ATP1B3: variants seen among roughly 807,000 people sequenced by gnomAD.
The protein encoded by ATP1B3 is sodium/potassium-transporting ATPase subunit beta-3.
ATP1B3 carries 10 observed loss-of-function variants against 30.2 expected under a neutral mutation model. The observed-to-expected ratio is 0.33, with a 90% CI of 0.20 to 0.56. The LOEUF (loss-of-function observed/expected upper bound fraction) is 0.56. Among genes scored for constraint, ATP1B3 ranks in the 20% least tolerant of loss-of-function variants. The pLI is 0.90. For missense variants in ATP1B3, 238 were observed against 336.7 expected (o/e 0.71, Z 2.29); for synonymous variants, 113 against 117.0 (o/e 0.97, Z 0.22).
intron 5 of ATP1B3, chr3:141,918,278 A>G (rs1934504639): frequency 6.6e-6 from 1 of 152,180 alleles, no homozygotes; most frequent in Non-Finnish European, 1.5e-5. Flanking sequence ...ATTTCATGAC[A>G]GTGCGCCTGT....
intron 3 of ATP1B3, among the ~76,000 whole-genome samples, chr3:141,911,004 T>C (rs1934349830): frequency 6.6e-6 from 1 of 152,110 alleles, no homozygotes; most frequent in Admixed American, 6.5e-5. Flanking sequence ...TTTTCATTTT[T>C]TTTTTCAATT....
Position 141,925,887 on chromosome 3 carries a change from C to G in ATP1B3, c.*186C>G. 2 of 671,398 alleles carry G rather than the reference C, an allele frequency of 3.0e-6. No homozygotes were observed. Among genetic ancestry groups the G allele is most frequent in the Non-Finnish European group, 4.8e-6 (2 of 420,138 alleles). The allele number at this position is 671,398 out of a possible 1,614,324, so 41.6% of individuals were successfully genotyped here. Reference sequence around the variant, plus strand: ...TGTCCTCTGAAGTAACTGCCTGTTGCCTCTGCTGCCCTTTGAACCAGTGTA... The same window carrying G: ...TGTCCTCTGAAGTAACTGCCTGTTGGCTCTGCTGCCCTTTGAACCAGTGTA... On this transcript the variant is annotated 3_prime_UTR_variant, in exon 7 of 7. Transcript: ENST00000286371.
intron 3 of ATP1B3, among the ~76,000 whole-genome samples, chr3:141,913,188 C>G (rs1168147525): frequency 6.6e-6 from 1 of 151,802 alleles, no homozygotes; most frequent in African/African-American, 2.4e-5. Flanking sequence ...CTTCTGCATT[C>G]AGCTCAGTTG....
At chr3:141,912,503 C>T (rs953744999) in intron 3 of ATP1B3, among the ~76,000 whole-genome samples, 2 of 151,972 alleles carry the variant, frequency 1.3e-5, no homozygotes, top group Non-Finnish European at 2.9e-5. Context: ...TCTCGTGATC[C>T]ACCCGCCTCG....
intron 1 of ATP1B3, among the ~76,000 whole-genome samples, chr3:141,883,269 C>G (rs1303195022): frequency 6.6e-6 from 1 of 152,182 alleles, no homozygotes; most frequent in African/African-American, 2.4e-5. Flanking sequence ...GGGCGGATCA[C>G]TTGTGGCCAG....
Position 141,907,195 on chromosome 3 carries a change from C to T in ATP1B3, c.267C>T (p.Thr89=), listed in dbSNP as rs72988221. 1,079 of 1,609,722 alleles carry T rather than the reference C, an allele frequency of 6.7e-4. 6 individuals are homozygous for T. In the African/African-American group the frequency reaches 0.012, roughly 18 times the overall value. Residue 89 remains threonine, a synonymous_variant, in exon 3 of 7, where the codon ACC becomes ACT. Transcript: ENST00000286371. The part of the protein sequence containing the change: ...PGLMVFPKPV[T]ALEYTFSRSD... ...TCATGGTTTTTCCAAAACCAGTGAC[C>T]GCATTGGAATATACATTCAGTAGGT... is the stretch of plus-strand genomic sequence containing the variant.
chr3:141,913,549 C>T, intron 3 of ATP1B3, 103 bp from the exon 4 acceptor site: 3 of 963,782 alleles, frequency 3.1e-6, no homozygotes, highest in Non-Finnish European at 4.5e-6. Flanking sequence ...ATTTACATTG[C>T]TGTTTTTGTC....
At chr3:141,917,142 C>T (rs116612493) in intron 5 of ATP1B3, among the ~76,000 whole-genome samples, 2,784 of 151,754 alleles carry the variant, frequency 0.018, 79 homozygotes, top group African/African-American at 0.064. Context: ...CATGAGTCAC[C>T]GCGCCTGGCC....
chr3:141,919,234 G>A (rs1934522682), intron 5 of ATP1B3, among the ~76,000 whole-genome samples: 1 of 149,934 alleles, frequency 6.7e-6, no homozygotes. Flanking sequence ...ATACAAGTTA[G>A]AGTCCTGAAA....
At chr3:141,920,885 G>A (rs1934552695) in intron 5 of ATP1B3, among the ~76,000 whole-genome samples, 1 of 152,020 alleles carries the variant, frequency 6.6e-6, no homozygotes, top group Non-Finnish European at 1.5e-5. Context: ...TGGTGGGTGG[G>A]GCGCATCATC....
rs114628149 is a variant in ATP1B3, at chr3:141,892,846, G to A, written c.110-10774G>A. Among the ~76,000 whole-genome samples the A allele has an allele frequency of 3.7e-3, 561 of 152,154 alleles. 5 individuals carry two copies. The highest frequency in any genetic ancestry group is 0.013 in the African/African-American group (530 of 41,492). On this transcript the variant is annotated intron_variant, in intron 1 of 6. Coordinates refer to ENST00000286371, the MANE Select transcript of ATP1B3 (RefSeq NM_001679.4). The stretch of plus-strand genomic sequence containing the variant: ...TCTTTAATGGAGCGGTAGCTTCACA[G>A]ATTATACAACGGTCAAAACTAACTG...
rs937461669 is a variant in ATP1B3, at chr3:141,900,713, C to T, written c.110-2907C>T. 7.9e-5 allele frequency among the ~76,000 whole-genome samples: 12 copies of T among 152,232 alleles called. No individual in the cohort carries two copies. The South Asian group carries it at 2.3e-3, about 29-fold the overall frequency. Reference sequence around the variant, plus strand: ...TGAGGCAGAAGAGCTGGACAGGGCCCGTTTCTCCTTCCCCTGGATGACATG... The same window carrying T: ...TGAGGCAGAAGAGCTGGACAGGGCCTGTTTCTCCTTCCCCTGGATGACATG... On this transcript the variant is annotated intron_variant, in intron 1 of 6. Coordinates refer to ENST00000286371, the MANE Select transcript of ATP1B3 (RefSeq NM_001679.4).
intron 1 of ATP1B3, among the ~76,000 whole-genome samples, chr3:141,893,509 A>C (rs941481826): frequency 6.6e-6 from 1 of 152,034 alleles, no homozygotes; most frequent in Non-Finnish European, 1.5e-5. Flanking sequence ...AATTTTTCAT[A>C]TACTCCTTCT....
chr3:141,892,852 A>G (rs983688022), intron 1 of ATP1B3, among the ~76,000 whole-genome samples: 5 of 152,134 alleles, frequency 3.3e-5, no homozygotes, highest in Admixed American at 6.5e-5. Flanking sequence ...CACAGATTAT[A>G]CAACGGTCAA....
intron 1 of ATP1B3, among the ~76,000 whole-genome samples, chr3:141,884,243 G>A (rs193067122): frequency 6.6e-6 from 1 of 152,180 alleles, no homozygotes; most frequent in Admixed American, 6.5e-5. Context: ...TGACTTCTTA[G>A]GATTTTGCTG....
chr3:141,880,064 T>A (rs1167638746), intron 1 of ATP1B3, among the ~76,000 whole-genome samples: 1 of 152,116 alleles, frequency 6.6e-6, no homozygotes, highest in African/African-American at 2.4e-5. Context: ...GTTTTATTTT[T>A]ACACATTTAA....
At position 141,899,656 on chromosome 3, in the gene ATP1B3, G is replaced by A. The variant is rs181356709; in HGVS notation, c.110-3964G>A. Among the ~76,000 whole-genome samples, 181 of 152,298 alleles carry A rather than the reference G, an allele frequency of 1.2e-3. 2 individuals are homozygous for A. The highest frequency in any genetic ancestry group is 4.3e-3 in the African/African-American group (179 of 41,552). Reference sequence around the variant, plus strand: ...AGGCTGAGGCAGGCAGATCACCTGAGGTCAGGAGTTCGAGACCAGCCTGAT... The same window carrying A: ...AGGCTGAGGCAGGCAGATCACCTGAAGTCAGGAGTTCGAGACCAGCCTGAT... On this transcript the variant is annotated intron_variant, in intron 1 of 6. Transcript: ENST00000286371.
intron 6 of ATP1B3, among the ~76,000 whole-genome samples, chr3:141,923,016 G>A (rs1001475099): frequency 2.0e-5 from 3 of 147,668 alleles, no homozygotes; most frequent in African/African-American, 5.0e-5. Context: ...GGTGGCTCAC[G>A]CCTGCAATCG....
intron 4 of ATP1B3, 91 bp from the exon 5 acceptor site, chr3:141,915,879 A>G: frequency 5.4e-6 from 5 of 921,902 alleles, no homozygotes; most frequent in Non-Finnish European, 5.0e-6. Flanking sequence ...TTAATCTCAA[A>G]GTCTTCACCC....
Sources: allele counts gnomAD v4.1 joint callset (sites outside exome capture counted in the v4.1 genomes callset), GRCh38; gene constraint gnomAD v4.1.1; transcripts MANE v1.5; gene names NCBI Gene and HGNC (gene_info 2026-07-23, HGNC 2026-07-21).